KIAA1217: variants seen among roughly 807,000 people sequenced by gnomAD.
The protein encoded by KIAA1217 is sickle tail protein homolog.
In KIAA1217, 88 loss-of-function variants were observed where a neutral mutation model predicts 163.9. The ratio of observed to expected loss-of-function variants is 0.54; its 90% CI spans 0.45 to 0.64. The LOEUF (loss-of-function observed/expected upper bound fraction) is 0.64, where lower values mean the gene tolerates loss of function less well. Among genes scored for constraint, KIAA1217 ranks in the 30% least tolerant of loss-of-function variants. The pLI is 0.00. For synonymous variants in KIAA1217, 903 were observed against 923.1 expected (o/e 0.98, Z 0.39); for missense variants, 2,372 against 2,475.0 (o/e 0.96, Z 0.88).
intron 2 of KIAA1217, among the ~76,000 whole-genome samples, chr10:24,314,326 G>T (rs1049640840): frequency 2.0e-5 from 3 of 152,114 alleles, no homozygotes; most frequent in African/African-American, 4.8e-5. Context: ...TAAGCATCTT[G>T]ACAACATGCG....
At chr10:24,436,447 A>G (rs1474678403) in intron 4 of KIAA1217, among the ~76,000 whole-genome samples, 1 of 145,066 alleles carries the variant, frequency 6.9e-6, no homozygotes, top group Admixed American at 6.9e-5. Context: ...AATTTTCACC[A>G]CCAGCATTAT....
chr10:24,476,502 G>C (rs1376947990), intron 6 of KIAA1217, among the ~76,000 whole-genome samples: 2 of 151,928 alleles, frequency 1.3e-5, no homozygotes, highest in Non-Finnish European at 2.9e-5. Context: ...AACCTTTTTA[G>C]AAAATCCAAA....
intron 17 of KIAA1217, 44 bp from the exon 18 acceptor site, chr10:24,542,649 G>A (rs1425559367): frequency 6.3e-7 from 1 of 1,596,864 alleles, no homozygotes; most frequent in East Asian, 2.2e-5. Context: ...TTTTTTGGGG[G>A]GATGTGGTTT....
chr10:24,463,736 A>C (rs1168307901), intron 5 of KIAA1217, among the ~76,000 whole-genome samples: 2 of 152,256 alleles, frequency 1.3e-5, no homozygotes. Context: ...CAGAGCATAA[A>C]AATTACTTCC....
intron 3 of KIAA1217, 151 bp downstream of exon 3, chr10:24,381,218 C>G (rs1256416661): frequency 1.6e-6 from 1 of 615,408 alleles, no homozygotes; most frequent in Non-Finnish European, 2.5e-6. Flanking sequence ...TAATATCAAG[C>G]ATTGAGGATT....
At chr10:24,353,001 C>G (rs913319568) in intron 2 of KIAA1217, among the ~76,000 whole-genome samples, 3 of 152,010 alleles carry the variant, frequency 2.0e-5, no homozygotes, top group Middle Eastern at 3.4e-3. Context: ...TTGAGGCCTC[C>G]CGAGAACGCT....
At chr10:24,325,099 C>T (rs942644834) in intron 2 of KIAA1217, among the ~76,000 whole-genome samples, 1 of 151,974 alleles carries the variant, frequency 6.6e-6, no homozygotes, top group African/African-American at 2.4e-5. Flanking sequence ...AAAGAACAAT[C>T]CATAGTCACC....
chr10:24,381,738 C>T (rs2053335358), intron 3 of KIAA1217, among the ~76,000 whole-genome samples: 1 of 152,192 alleles, frequency 6.6e-6, no homozygotes, highest in Admixed American at 6.5e-5. Context: ...CTCTTCTCAC[C>T]TTGCAACCCT....
intron 1 of KIAA1217, among the ~76,000 whole-genome samples, chr10:23,963,985 C>T (rs2131377350): frequency 6.6e-6 from 1 of 151,822 alleles, no homozygotes; most frequent in South Asian, 2.1e-4. Flanking sequence ...CCTCCGCCAC[C>T]CAGGTTCAAG....
chr10:24,209,363 A>AC, intron 1 of KIAA1217, 100 bp downstream of exon 1: 1 of 767,692 alleles, frequency 1.3e-6, no homozygotes, highest in Non-Finnish European at 2.1e-6. Flanking sequence ...GGCAAAGGAA[A>AC]AAAAAAAAAA....
chr10:24,165,331 C>A (rs1378182056), intron 2 of KIAA1217, among the ~76,000 whole-genome samples: 1 of 152,194 alleles, frequency 6.6e-6, no homozygotes, highest in Non-Finnish European at 1.5e-5. Flanking sequence ...CCTCCAGGAA[C>A]TGTCCGCACC....
chr10:24,121,046 A>C (rs1054233537), intron 2 of KIAA1217, among the ~76,000 whole-genome samples: 8 of 152,192 alleles, frequency 5.3e-5, no homozygotes, highest in African/African-American at 1.7e-4. Context: ...CAGGGGAGGA[A>C]AAAGATCCAA....
intron 12 of KIAA1217, 149 bp downstream of exon 12, chr10:24,522,078 A>C: frequency 1.2e-6 from 1 of 817,722 alleles, no homozygotes; most frequent in Admixed American, 3.0e-5. Flanking sequence ...TCACCCTTGA[A>C]CTTTTATTGC....
intron 1 of KIAA1217, among the ~76,000 whole-genome samples, chr10:23,980,016 T>C (rs1486812357): frequency 6.6e-6 from 1 of 152,194 alleles, no homozygotes; most frequent in African/African-American, 2.4e-5. Flanking sequence ...CATCCTTTGG[T>C]CATTTCACGA....
chr10:23,817,202 T>G (rs555653479), intron 1 of KIAA1217, among the ~76,000 whole-genome samples: 4 of 152,282 alleles, frequency 2.6e-5, no homozygotes, highest in Middle Eastern at 3.4e-3. Flanking sequence ...TCACTCTTCA[T>G]TTCACCGTCT....
chr10:24,543,547 A>T lies in KIAA1217; in HGVS notation c.4277A>T (p.Gln1426Leu). The T allele has an allele frequency of 6.2e-7, 1 of 1,614,162 alleles. No homozygotes were observed. Among genetic ancestry groups the T allele is most frequent in the South Asian group, 1.1e-5 (1 of 91,074 alleles). The stretch of plus-strand genomic sequence containing the variant: ...GCCAGAAAAGAGATGACCCCCCGAC[A>T]AGAAGGGACTGACAATGAGGATCCA... ...IDARKEMTPR[Q>L]EGTDNEDPVV... Residue 1426 changes from glutamine (Q) to leucine (L), a missense_variant, in exon 19 of 21, where the codon CAA becomes CTA. Gln to Leu is a moderately radical substitution (Grantham distance 113). Coordinates refer to ENST00000376454, the MANE Select transcript of KIAA1217 (RefSeq NM_019590.5).
chr10:24,249,752 C>T (rs142012589), intron 2 of KIAA1217, among the ~76,000 whole-genome samples: 243 of 152,248 alleles, frequency 1.6e-3, no homozygotes, highest in African/African-American at 4.9e-3. Context: ...AAAAACCCTG[C>T]GGAGAGATAC....
intron 2 of KIAA1217, among the ~76,000 whole-genome samples, chr10:24,177,841 T>C (rs1001507917): frequency 4.6e-5 from 7 of 152,182 alleles, no homozygotes; most frequent in Admixed American, 2.0e-4. Flanking sequence ...CTGAGTGTTG[T>C]GTTTACTAAA....
chr10:24,457,020 T>TA (rs201547135), intron 5 of KIAA1217, among the ~76,000 whole-genome samples: 12,864 of 148,474 alleles, frequency 0.087, 648 homozygotes, highest in East Asian at 0.17. Flanking sequence ...CCTTTTTAAT[T>TA]AAAAAAAAAA....
Sources: allele counts gnomAD v4.1 joint callset (sites outside exome capture counted in the v4.1 genomes callset), GRCh38; gene constraint gnomAD v4.1.1; transcripts MANE v1.5; gene names NCBI Gene and HGNC (gene_info 2026-07-23, HGNC 2026-07-21).